Variants in HERC4 observed in about 807,000 individuals in gnomAD.
HERC4 encodes the protein probable E3 ubiquitin-protein ligase HERC4.
HERC4 carries 28 observed loss-of-function variants against 124.3 expected under a neutral mutation model. The observed-to-expected ratio is 0.23, with a 90% CI of 0.17 to 0.31. The LOEUF (loss-of-function observed/expected upper bound fraction) is 0.31. Ranked by LOEUF, HERC4 falls within the 10% of genes least tolerant of loss-of-function variation. The pLI, the probability that HERC4 is intolerant of heterozygous loss-of-function variation, is 1.00. For synonymous variants in HERC4, 407 were observed against 421.5 expected, an observed-to-expected ratio of 0.97 and a Z score of 0.42; for missense variants, 713 against 1,229.3, an observed-to-expected ratio of 0.58 and a Z score of 6.28.
chr10:67,995,307 A>G, intron 9 of HERC4: 3 of 454,880 alleles, frequency 6.6e-6, no homozygotes, highest in South Asian at 4.7e-5. Context: ...AGGTTGAAAA[A>G]TTAAGTGTTA....
intron 8 of HERC4, among the ~76,000 whole-genome samples, chr10:68,020,248 CA>C (rs1208732586): frequency 2.0e-5 from 3 of 151,908 alleles, no homozygotes; most frequent in Non-Finnish European, 4.4e-5. Context: ...GTCCAGTTTT[CA>C]AAAAACATCA....
At chr10:67,966,441 T>C (rs987403284) in intron 16 of HERC4, 4 of 326,832 alleles carry the variant, frequency 1.2e-5, no homozygotes, top group Non-Finnish European at 2.2e-5. Flanking sequence ...TTTTTTGTCT[T>C]GTTTTGTTTT....
At chr10:68,042,017 T>TC (rs889923399) in intron 4 of HERC4, among the ~76,000 whole-genome samples, 3 of 152,160 alleles carry the variant, frequency 2.0e-5, no homozygotes, top group African/African-American at 7.2e-5. Flanking sequence ...TTCTGATTAC[T>TC]CTTTTTTTTT....
At chr10:68,067,984 T>C (rs919275834) in intron 3 of HERC4, 2 of 152,208 alleles carry the variant, frequency 1.3e-5, no homozygotes, top group African/African-American at 4.8e-5. Context: ...TAAGTTTGTG[T>C]ACAAGGGGGA....
rs2039337837 is a variant in HERC4, at chr10:68,033,981, A to G, written c.669T>C (p.Gly223=). ...AGAACCTACCATTTTCATCATTAAG[A>G]CCTAGCTGACCAAACTTGTTGCGTC... ...GWGRNKFGQL[G]LNDENDRYVP... is the part of the protein sequence containing the mutation. Residue 223 remains glycine, a synonymous_variant, in exon 6 of 25, where the codon GGT becomes GGC. Coordinates refer to ENST00000373700, the MANE Select transcript of HERC4 (RefSeq NM_015601.4). The G allele has an allele frequency of 6.2e-7, 1 of 1,614,030 alleles. No individual in the cohort carries two copies. Among genetic ancestry groups the G allele is most frequent in the East Asian group, 2.2e-5 (1 of 44,860 alleles).
At chr10:67,947,974 C>T (rs1020087200) in intron 19 of HERC4, among the ~76,000 whole-genome samples, 4 of 151,164 alleles carry the variant, frequency 2.6e-5, no homozygotes, top group African/African-American at 7.3e-5. Context: ...CAGGCATGAG[C>T]CACCATGCCC....
intron 3 of HERC4, among the ~76,000 whole-genome samples, chr10:68,063,498 G>A (rs1271598225): frequency 1.3e-5 from 2 of 151,906 alleles, no homozygotes; most frequent in African/African-American, 2.4e-5. Context: ...ATGAGCCACC[G>A]CACTCAGCCT....
chr10:68,039,976 A>G (rs1433670653), intron 4 of HERC4: 5 of 740,968 alleles, frequency 6.7e-6, no homozygotes, highest in Non-Finnish European at 6.6e-6. Context: ...ACAGGTACCT[A>G]TTCATTTAAT....
chr10:68,075,217 G>C lies in HERC4; in HGVS notation c.-182C>G, dbSNP rs895195123. 1 of 153,234 alleles carries C rather than the reference G, an allele frequency of 6.5e-6. No individual in the cohort carries two copies. The highest frequency in any genetic ancestry group is 2.4e-5 in the African/African-American group (1 of 41,450). 9.5% of individuals were successfully genotyped at this position (153,234 alleles called of 1,614,324 possible). A position where few individuals can be genotyped will look rare whatever the true frequency, so the allele number is the denominator to read the frequency against. On this transcript the variant is annotated 5_prime_UTR_variant, in exon 1 of 25. Coordinates refer to ENST00000373700, the MANE Select transcript of HERC4 (RefSeq NM_015601.4). ...AGCCGTCAGCGACCCGGATGGAGCG[G>C]GCGGGGAAGAACGGGAGGCAAGCGG... is the stretch of plus-strand genomic sequence containing the variant.
chr10:68,029,952 A>G (rs1056466189), intron 7 of HERC4, among the ~76,000 whole-genome samples: 2 of 150,886 alleles, frequency 1.3e-5, no homozygotes, highest in South Asian at 4.2e-4. Context: ...GTTGGCCAGG[A>G]TGGTCTCGAA....
intron 19 of HERC4, among the ~76,000 whole-genome samples, chr10:67,953,398 C>T (rs2033939795): frequency 6.6e-6 from 1 of 152,060 alleles, no homozygotes; most frequent in Admixed American, 6.6e-5. Flanking sequence ...TTTTAGTAAT[C>T]ATAATATTGG....
At position 68,035,408 on chromosome 10, in the gene HERC4, G is replaced by A. The variant is rs534237590; in HGVS notation, c.464-1222C>T. Among the ~76,000 whole-genome samples the A allele has an allele frequency of 5.9e-4, 90 of 152,100 alleles. 1 individual carries two copies. Among genetic ancestry groups the A allele is most frequent in the Middle Eastern group, 3.4e-3 (1 of 294 alleles). On this transcript the variant is annotated intron_variant, in intron 5 of 24. Coordinates refer to ENST00000373700, the MANE Select transcript of HERC4 (RefSeq NM_015601.4). ...CCTGACCTAGTGATCTGCCCACCTC[G>A]GCCTCCCAAAGTGCTAAGATTACAG...
At chr10:67,997,984 C>G (rs979927972) in intron 9 of HERC4, among the ~76,000 whole-genome samples, 21 of 152,072 alleles carry the variant, frequency 1.4e-4, no homozygotes, top group African/African-American at 4.6e-4. Context: ...TCACTGCAAC[C>G]GCCTCCCGGG....
chr10:68,040,317 A>G, intron 4 of HERC4: 1 of 968,226 alleles, frequency 1.0e-6, no homozygotes, highest in South Asian at 4.8e-5. Context: ...TTACTGTGTT[A>G]AAGAAAAAAC....
At chr10:67,987,211 G>C (rs2036311943) in intron 15 of HERC4, among the ~76,000 whole-genome samples, 1 of 152,068 alleles carries the variant, frequency 6.6e-6, no homozygotes, top group East Asian at 1.9e-4. Flanking sequence ...GAGCTAGGCA[G>C]GTAATTTAAC....
intron 15 of HERC4, among the ~76,000 whole-genome samples, chr10:67,976,657 C>CA (rs1464421735): frequency 2.6e-5 from 4 of 152,054 alleles, no homozygotes; most frequent in Non-Finnish European, 5.9e-5. Context: ...AAAAGAGATA[C>CA]AAAAAAGTCT....
intron 5 of HERC4, among the ~76,000 whole-genome samples, chr10:68,037,885 C>G (rs2039559021): frequency 6.6e-6 from 1 of 151,884 alleles, no homozygotes; most frequent in Non-Finnish European, 1.5e-5. Flanking sequence ...AACAAAATCC[C>G]AAATTCCTAG....
rs35316574 is a variant in HERC4, at chr10:67,936,253, TA to T, written c.2572-19del. 1.9e-5 allele frequency: 28 copies of T among 1,486,140 alleles called. No homozygotes were observed. Among genetic ancestry groups the T allele is most frequent in the African/African-American group, 1.4e-4 (10 of 71,218 alleles). 92.1% of individuals were successfully genotyped at this position (1,486,140 alleles called of 1,614,324 possible). ...ACTGTGATCTATTAATTTAAATTTTTAAAAAAAGTCAATGTCAGACTCAAAA... is the reference window on the plus strand; with the variant it reads ...ACTGTGATCTATTAATTTAAATTTTTAAAAAAGTCAATGTCAGACTCAAAA... On this transcript the variant is annotated intron_variant, in intron 21 of 24. Transcript: ENST00000373700.
At chr10:68,002,517 A>T (rs2037290519) in intron 9 of HERC4, among the ~76,000 whole-genome samples, 1 of 152,202 alleles carries the variant, frequency 6.6e-6, no homozygotes, top group East Asian at 1.9e-4. Flanking sequence ...AATAATAGAT[A>T]AAAAATAGGT....
Sources: gnomAD v4.1 joint callset for allele counts (sites outside exome capture counted in the v4.1 genomes callset) on GRCh38, gnomAD v4.1.1 for gene constraint, MANE v1.5 for transcripts, NCBI Gene and HGNC (gene_info 2026-07-23, HGNC 2026-07-21) for gene names.